MCU: variants seen among roughly 807,000 people sequenced by gnomAD.
The protein encoded by MCU is calcium uniporter protein, mitochondrial.
Under a neutral mutation model 45.2 loss-of-function variants are expected in MCU, and 12 were observed. That is an observed-to-expected ratio of 0.27 (90% CI 0.17 to 0.43). The LOEUF (loss-of-function observed/expected upper bound fraction) is 0.43. MCU is among the 20% of genes least tolerant of loss of function. MCU has a pLI of 1.00. For missense variants in MCU, 324 were observed against 436.7 expected (o/e 0.74, Z 2.30); for synonymous variants, 160 against 165.1 (o/e 0.97, Z 0.24).
intron 2 of MCU, among the ~76,000 whole-genome samples, chr10:72,839,024 C>CCAT (rs1845004980): frequency 1.3e-5 from 2 of 151,368 alleles, no homozygotes; most frequent in African/African-American, 4.9e-5. Context: ...GAGTCCCGCT[C>CCAT]CATCACCCAG....
At chr10:72,735,574 A>T (rs1222176197) in intron 1 of MCU, among the ~76,000 whole-genome samples, 1 of 152,204 alleles carries the variant, frequency 6.6e-6, no homozygotes, top group African/African-American at 2.4e-5. Flanking sequence ...TTTTAATGGT[A>T]AACATTTAAA....
rs1161181455 is a variant in MCU at position 72,805,101 on chromosome 10, CTCTTTCTTTCTTTCTTTCTTTCTTTCTT to C, written c.151-29226_151-29199del. ...TGTTTCTTTCTTTCTTTCTTTCTTTCTCTTTCTTTCTTTCTTTCTTTCTTTCTTTCTTTCTTTCTTTCTTTCTTTCTTT... is the reference window on the plus strand; with the variant it reads ...TGTTTCTTTCTTTCTTTCTTTCTTTCTCTTTCTTTCTTTCTTTCTTTCTTT... On this transcript the variant is annotated intron_variant, in intron 1 of 7. Coordinates refer to ENST00000373053, the MANE Select transcript of MCU (RefSeq NM_138357.3). Among the ~76,000 whole-genome samples, 797 of 103,448 alleles carry C rather than the reference CTCTTTCTTTCTTTCTTTCTTTCTTTCTT, an allele frequency of 7.7e-3. 7 individuals are homozygous for C. The highest frequency in any genetic ancestry group is 0.032 in the African/African-American group (737 of 23,306). 67.9% of individuals were successfully genotyped at this position (103,448 alleles called of 152,430 possible).
intron 2 of MCU, among the ~76,000 whole-genome samples, chr10:72,846,146 A>T (rs1845118918): frequency 6.6e-6 from 1 of 151,938 alleles, no homozygotes. Context: ...AGGTTCAAGC[A>T]CTTCTCCTGC....
intron 7 of MCU, among the ~76,000 whole-genome samples, chr10:72,884,621 C>T (rs1330249644): frequency 6.6e-6 from 1 of 150,462 alleles, no homozygotes; most frequent in Non-Finnish European, 1.5e-5. Context: ...AACACTAGCA[C>T]ATTGACATTT....
chr10:72,802,767 AT>A (rs1844362657), intron 1 of MCU, among the ~76,000 whole-genome samples: 1 of 152,178 alleles, frequency 6.6e-6, no homozygotes, highest in Admixed American at 6.5e-5. Flanking sequence ...CTAAAACAAT[AT>A]TTGTTTATAT....
intron 1 of MCU, among the ~76,000 whole-genome samples, chr10:72,742,035 A>T (rs973193356): frequency 6.6e-6 from 1 of 151,604 alleles, no homozygotes; most frequent in Non-Finnish European, 1.5e-5. Flanking sequence ...AAAAAAAAAA[A>T]AAAAAAAAAA....
At chr10:72,753,990 G>A (rs981535696) in intron 1 of MCU, among the ~76,000 whole-genome samples, 8 of 152,190 alleles carry the variant, frequency 5.3e-5, no homozygotes, top group Non-Finnish European at 5.9e-5. Context: ...GAGTGATTAA[G>A]TAACTTACCC....
At chr10:72,795,867 G>A (rs1844235113) in intron 1 of MCU, among the ~76,000 whole-genome samples, 3 of 151,758 alleles carry the variant, frequency 2.0e-5, no homozygotes, top group Admixed American at 6.6e-5. Context: ...GTGTGGTGGC[G>A]GGCGCCTGTA....
At chr10:72,693,963 G>A (rs1242683614) in intron 1 of MCU, among the ~76,000 whole-genome samples, 3 of 152,142 alleles carry the variant, frequency 2.0e-5, no homozygotes, top group African/African-American at 7.2e-5. Flanking sequence ...TAAAAAATTT[G>A]TGCCTTGTAT....
At chr10:72,722,506 C>T (rs970381175) in intron 1 of MCU, among the ~76,000 whole-genome samples, 3 of 149,304 alleles carry the variant, frequency 2.0e-5, no homozygotes, top group Non-Finnish European at 4.4e-5. Flanking sequence ...GTTATTGGCA[C>T]TTTTTTCTTT....
intron 1 of MCU, among the ~76,000 whole-genome samples, chr10:72,763,019 AT>A (rs1344990844): frequency 6.6e-6 from 1 of 151,656 alleles, no homozygotes; most frequent in East Asian, 1.9e-4. Context: ...TTGGTTCATG[AT>A]TTTTTTCTCC....
rs1223437217 is a variant in MCU, at chr10:72,692,232, G to C, written c.81G>C (p.Gly27=). The C allele has an allele frequency of 1.6e-5, 20 of 1,242,202 alleles. No individual in the cohort carries two copies. In the Admixed American group the frequency reaches 7.6e-4, roughly 47 times the overall value. The allele number at this position is 1,242,202 out of a possible 1,614,324, so 76.9% of individuals were successfully genotyped here. A position where few individuals can be genotyped will look rare whatever the true frequency, so the allele number is the denominator to read the frequency against. ...GGGGGGAGGC[G]ALTAGCFPGL... is the part of the protein sequence containing the mutation. ...GCGGCGGGGGCGCCGGCGGCTGCGG[G>C]GCGCTGACTGCCGGCTGCTTCCCTG... The change falls in exon 1 of 8, where the codon GGG becomes GGC. Residue 27 remains glycine (G), a synonymous_variant. Coordinates refer to ENST00000373053, the MANE Select transcript of MCU (RefSeq NM_138357.3).
chr10:72,737,318 A>G (rs1017429653), intron 1 of MCU, among the ~76,000 whole-genome samples: 2 of 152,224 alleles, frequency 1.3e-5, no homozygotes, highest in Non-Finnish European at 1.5e-5. Context: ...CCTCAATTCA[A>G]GAAATACTTG....
At chr10:72,854,730 T>C (rs750035651) in intron 2 of MCU, among the ~76,000 whole-genome samples, 6 of 152,210 alleles carry the variant, frequency 3.9e-5, no homozygotes, top group African/African-American at 4.8e-5. Context: ...CCCCCTAACC[T>C]ACAGGCCAAA....
chr10:72,834,428 G>A lies in MCU; in HGVS notation c.220G>A (p.Asp74Asn). The change falls in exon 2 of 8, where the codon GAT (aspartate) becomes AAT (asparagine). Residue 74 changes from aspartate (D) to asparagine (N), a missense_variant and splice_region_variant. By Grantham distance (23) the Asp-to-Asn change is conservative. Transcript: ENST00000373053. ...VYCSTVVPSDDVTVVYQNGLP... is the reference protein window; with the variant it reads ...VYCSTVVPSDNVTVVYQNGLP... ...TTGCAGCACTGTTGTGCCCTCTGAT[G>A]GTGAGTTTCAGCAAATCCACCTTTT... is the stretch of plus-strand genomic sequence containing the variant. 8 of 1,611,838 alleles carry A rather than the reference G, an allele frequency of 5.0e-6. No homozygotes were observed. The highest frequency in any genetic ancestry group is 6.8e-6 in the Non-Finnish European group (8 of 1,178,498).
At chr10:72,740,252 A>G (rs1843308139) in intron 1 of MCU, among the ~76,000 whole-genome samples, 1 of 151,600 alleles carries the variant, frequency 6.6e-6, no homozygotes, top group South Asian at 2.1e-4. Context: ...GGTGGTGTGC[A>G]CCTGTAGTCC....
rs985612601 is a variant in MCU, at chr10:72,807,560, A to G, written c.151-26799A>G. Among the ~76,000 whole-genome samples the G allele has an allele frequency of 7.2e-5, 11 of 152,190 alleles. No individual in the cohort carries two copies. In the East Asian group the frequency reaches 1.9e-3, roughly 27 times the overall value. ...CAAAATTTAGCTCCCAGGTAACTCAATTCTAAATAGTTCGTTGGAACAGTG... is the reference window on the plus strand; with the variant it reads ...CAAAATTTAGCTCCCAGGTAACTCAGTTCTAAATAGTTCGTTGGAACAGTG... On this transcript the variant is annotated intron_variant, in intron 1 of 7. Coordinates refer to ENST00000373053, the MANE Select transcript of MCU (RefSeq NM_138357.3).
At chr10:72,838,482 G>C (rs530791663) in intron 2 of MCU, among the ~76,000 whole-genome samples, 1 of 152,038 alleles carries the variant, frequency 6.6e-6, no homozygotes, top group Non-Finnish European at 1.5e-5. Context: ...GTGGTGGCAT[G>C]TGCCTGTTGT....
At chr10:72,798,192 G>A (rs1029173013) in intron 1 of MCU, among the ~76,000 whole-genome samples, 3 of 152,070 alleles carry the variant, frequency 2.0e-5, no homozygotes, top group Admixed American at 1.3e-4. Context: ...TACATAACAC[G>A]TAAAGGCAGA....
Sources: gnomAD v4.1 joint callset for allele counts (sites outside exome capture counted in the v4.1 genomes callset) on GRCh38, gnomAD v4.1.1 for gene constraint, MANE v1.5 for transcripts, NCBI Gene and HGNC (gene_info 2026-07-23, HGNC 2026-07-21) for gene names.